Variants in NAALADL2 observed in about 807,000 individuals in gnomAD.
The protein encoded by NAALADL2 is N-acetylated alpha-linked acidic dipeptidase like 2.
A neutral mutation model predicts 87.2 loss-of-function variants in NAALADL2; 76 were observed. That is an observed-to-expected ratio of 0.87 (90% CI 0.72 to 1.05). The LOEUF is 1.05. NAALADL2 is among the 50% of genes least tolerant of loss of function. The pLI is 0.00. For synonymous variants in NAALADL2, 354 were observed against 331.0 expected (o/e 1.07, Z -0.75); for missense variants, 1,089 against 945.8 (o/e 1.15, Z -1.99).
chr3:175,534,622 C>T (rs866351254), intron 9 of NAALADL2, among the ~76,000 whole-genome samples: 7 of 151,870 alleles, frequency 4.6e-5, no homozygotes, highest in Middle Eastern at 3.2e-3. Context: ...CAATGTTCCT[C>T]ACCCTCTTCC....
rs114966218 is a variant in NAALADL2 at position 174,790,966 on chromosome 3, G to A, written c.-9+53220G>A. ...AAGTATACTTTAGTCTACATTTTGC[G>A]TTTTGGAGTTTGCTTTTATTAGCTT... On this transcript the variant is annotated intron_variant, in intron 3 of 3. Coordinates refer to the NAALADL2 transcript ENST00000434257. 2.7e-3 allele frequency among the ~76,000 whole-genome samples: 414 copies of A among 152,156 alleles called. 2 individuals are homozygous for A. The highest frequency in any genetic ancestry group is 9.1e-3 in the African/African-American group (378 of 41,508).
intron 2 of NAALADL2, among the ~76,000 whole-genome samples, chr3:174,686,376 T>C (rs766892506): frequency 3.3e-5 from 5 of 152,110 alleles, no homozygotes; most frequent in Non-Finnish European, 7.4e-5. Flanking sequence ...GCATCTGTTA[T>C]TTTTTGACTT....
At chr3:175,001,940 A>G (rs1748290352) in intron 1 of NAALADL2, among the ~76,000 whole-genome samples, 1 of 152,136 alleles carries the variant, frequency 6.6e-6, no homozygotes, top group Non-Finnish European at 1.5e-5. Context: ...AAGGAAAACA[A>G]TAGACTCTTC....
At chr3:175,013,287 A>ATATATATATG (rs1750360362) in intron 1 of NAALADL2, among the ~76,000 whole-genome samples, 1 of 86,418 alleles carries the variant, frequency 1.2e-5, no homozygotes, top group Non-Finnish European at 2.0e-5. Context: ...ACATATATAT[A>ATATATATATG]TATATATATA....
chr3:175,371,329 G>A (rs1375563668), intron 5 of NAALADL2, among the ~76,000 whole-genome samples: 1 of 151,882 alleles, frequency 6.6e-6, no homozygotes, highest in Non-Finnish European at 1.5e-5. Context: ...CTGCAGTGGC[G>A]CTATCTCGGC....
chr3:174,610,962 A>T (rs1252108743), intron 2 of NAALADL2, among the ~76,000 whole-genome samples: 1 of 152,152 alleles, frequency 6.6e-6, no homozygotes, highest in Non-Finnish European at 1.5e-5. Flanking sequence ...TGGCACATAT[A>T]CACCATGGAA....
chr3:174,931,541 G>A (rs1247638981), intron 1 of NAALADL2, among the ~76,000 whole-genome samples: 1 of 152,088 alleles, frequency 6.6e-6, no homozygotes, highest in East Asian at 1.9e-4. Flanking sequence ...ATATTCATTT[G>A]GTTTAGTCAA....
chr3:174,882,752 C>T (rs1403947746), intron 1 of NAALADL2, among the ~76,000 whole-genome samples: 15 of 133,592 alleles, frequency 1.1e-4, no homozygotes, highest in African/African-American at 4.1e-4. Context: ...TATATACACA[C>T]GTGTATATAT....
In NAALADL2 at chr3:175,180,467, A is replaced by T. The variant is rs531451732; in HGVS notation, c.546-53464A>T. 8.5e-5 allele frequency among the ~76,000 whole-genome samples: 13 copies of T among 152,082 alleles called. No individual in the cohort carries two copies. In the South Asian group the frequency reaches 2.5e-3, roughly 29 times the overall value. Reference sequence around the variant, plus strand: ...CACACAATTTGTAAGATAATTTTCAAAGCTTAATCATTGCTAGTGAAGGCA... The same window carrying T: ...CACACAATTTGTAAGATAATTTTCATAGCTTAATCATTGCTAGTGAAGGCA... On this transcript the variant is annotated intron_variant, in intron 2 of 13. Coordinates refer to ENST00000454872, the MANE Select transcript of NAALADL2 (RefSeq NM_207015.3).
At chr3:175,068,444 AAAAAC>A (rs1177695177) in intron 1 of NAALADL2, among the ~76,000 whole-genome samples, 1 of 152,152 alleles carries the variant, frequency 6.6e-6, no homozygotes, top group Non-Finnish European at 1.5e-5. Context: ...CAAGAGAATT[AAAAAC>A]AAAACAAAAC....
intron 1 of NAALADL2, among the ~76,000 whole-genome samples, chr3:175,056,676 G>C (rs995403089): frequency 1.3e-5 from 2 of 152,188 alleles, no homozygotes; most frequent in Non-Finnish European, 1.5e-5. Flanking sequence ...CAGCAAGCCA[G>C]TGATAAGCAT....
intron 3 of NAALADL2, among the ~76,000 whole-genome samples, chr3:174,803,435 C>T (rs1349050640): frequency 1.3e-5 from 2 of 152,122 alleles, no homozygotes; most frequent in African/African-American, 4.8e-5. Flanking sequence ...TGCCTGTTCA[C>T]TCTGATGATA....
At chr3:174,634,821 A>T (rs1722471333) in intron 2 of NAALADL2, among the ~76,000 whole-genome samples, 1 of 152,138 alleles carries the variant, frequency 6.6e-6, no homozygotes, top group African/African-American at 2.4e-5. Context: ...TATTAAAATA[A>T]TTTTGTCATT....
At chr3:175,146,345 G>A (rs1730750684) in intron 2 of NAALADL2, among the ~76,000 whole-genome samples, 1 of 152,042 alleles carries the variant, frequency 6.6e-6, no homozygotes, top group Non-Finnish European at 1.5e-5. Context: ...CATCAAATAT[G>A]TACAGTGCTC....
chr3:175,004,376 C>CAAAAAAAAAAA (rs538715061), intron 1 of NAALADL2, among the ~76,000 whole-genome samples: 3 of 33,852 alleles, frequency 8.9e-5, no homozygotes, highest in Non-Finnish European at 1.9e-4. Context: ...GAGACTATTT[C>CAAAAAAAAAAA]AAAAAAAAAA....
At chr3:175,133,720 G>C (rs1284610141) in intron 2 of NAALADL2, among the ~76,000 whole-genome samples, 1 of 152,060 alleles carries the variant, frequency 6.6e-6, no homozygotes, top group East Asian at 1.9e-4. Flanking sequence ...TGGAAAGAGA[G>C]GGAGAGGGAG....
intron 13 of NAALADL2, among the ~76,000 whole-genome samples, chr3:175,785,591 T>TGTGTGTCTCTGCAC (rs1751820166): frequency 7.1e-6 from 1 of 140,184 alleles, no homozygotes; most frequent in South Asian, 2.4e-4. Flanking sequence ...TTTGAGCCTG[T>TGTGTGTCTCTGCAC]GTGTGTCTCT....
intron 2 of NAALADL2, among the ~76,000 whole-genome samples, chr3:175,125,803 T>A (rs7628466): frequency 0.071 from 10,759 of 152,068 alleles, 793 homozygotes; most frequent in African/African-American, 0.19. Flanking sequence ...TTTAGAATTG[T>A]CAGCATATTA....
rs188608704 is a variant in NAALADL2, at chr3:175,787,341, C to G, written c.2190-15664C>G. 2.1e-3 allele frequency among the ~76,000 whole-genome samples: 320 copies of G among 152,288 alleles called. 3 individuals carry two copies. Among genetic ancestry groups the G allele is most frequent in the African/African-American group, 7.5e-3 (310 of 41,590 alleles). ...TGCTGCCTTGCAGTTTGATCTCAGA[C>G]TGCTGTGCTAGCAATCAGTGAGACT... On this transcript the variant is annotated intron_variant, in intron 13 of 13. Transcript: ENST00000454872.
Sources: gnomAD v4.1 joint callset for allele counts (sites outside exome capture counted in the v4.1 genomes callset) on GRCh38, gnomAD v4.1.1 for gene constraint, MANE v1.5 for transcripts, NCBI Gene and HGNC (gene_info 2026-07-23, HGNC 2026-07-21) for gene names.